C11orf65: variants seen among roughly 807,000 people sequenced by gnomAD.
C11orf65 encodes the protein protein MFI.
A neutral mutation model predicts 35.3 loss-of-function variants in C11orf65; 38 were observed. The observed-to-expected ratio is 1.08, with a 90% CI of 0.83 to 1.41. The LOEUF (loss-of-function observed/expected upper bound fraction) is 1.41, where lower values mean the gene tolerates loss of function less well. Among genes scored for constraint, C11orf65 ranks in the 40% most tolerant of loss-of-function variants. The pLI is 0.00. For missense variants in C11orf65, 370 were observed against 367.1 expected (o/e 1.01, Z -0.06); for synonymous variants, 105 against 114.4 (o/e 0.92, Z 0.53).
chr11:108,437,693 G>A (rs1191123858), intron 2 of C11orf65, among the ~76,000 whole-genome samples: 2 of 119,792 alleles, frequency 1.7e-5, no homozygotes, highest in Non-Finnish European at 3.3e-5. Flanking sequence ...CTGGTGACAG[G>A]TGAGACTCAG....
chr11:108,451,215 T>C (rs548628063), intron 2 of C11orf65, among the ~76,000 whole-genome samples: 1 of 152,050 alleles, frequency 6.6e-6, no homozygotes, highest in Admixed American at 6.5e-5. Context: ...GGAAGTCAAA[T>C]TGTCTCTGTT....
chr11:108,394,179 CAAAAAAA>C (rs11387098), intron 6 of C11orf65, among the ~76,000 whole-genome samples: 6 of 82,662 alleles, frequency 7.3e-5, no homozygotes, highest in African/African-American at 3.6e-4. Context: ...GACTCCATCT[CAAAAAAA>C]AAAAAAAAAA....
At chr11:108,407,288 T>A (rs2092559116) in intron 3 of C11orf65, 139 bp from the exon 4 acceptor site, 1 of 663,076 alleles carries the variant, frequency 1.5e-6, no homozygotes, top group Admixed American at 3.5e-5. Flanking sequence ...CAACCTCAAA[T>A]AATCAATTTT....
chr11:108,417,500 T>C (rs572104627), intron 3 of C11orf65, among the ~76,000 whole-genome samples: 2 of 151,562 alleles, frequency 1.3e-5, no homozygotes, highest in African/African-American at 2.4e-5. Flanking sequence ...CTGAGATAGA[T>C]AGTGCCACTT....
At chr11:108,395,243 C>T (rs1186027114) in intron 6 of C11orf65, among the ~76,000 whole-genome samples, 1 of 151,912 alleles carries the variant, frequency 6.6e-6, no homozygotes, top group Non-Finnish European at 1.5e-5. Flanking sequence ...GCAATCCCAG[C>T]ACTTTGGGAG....
intron 3 of C11orf65, chr11:108,332,156 G>T: frequency 1.5e-6 from 2 of 1,296,084 alleles, no homozygotes; most frequent in Middle Eastern, 2.6e-4. Flanking sequence ...AGGCTGGCAC[G>T]GTGGCTCACG....
chr11:108,372,489 G>A (rs1018474130), intron 2 of C11orf65, among the ~76,000 whole-genome samples: 1 of 152,194 alleles, frequency 6.6e-6, no homozygotes, highest in African/African-American at 2.4e-5. Flanking sequence ...CACTGTGCCT[G>A]GCCAATAATT....
chr11:108,412,122 C>T (rs1406334043), intron 3 of C11orf65, among the ~76,000 whole-genome samples: 1 of 151,978 alleles, frequency 6.6e-6, no homozygotes, highest in Non-Finnish European at 1.5e-5. Context: ...TTTCCATTGT[C>T]TTATTGTTTT....
chr11:108,461,422 A>G, intron 2 of C11orf65, 57 bp downstream of exon 2: 1 of 1,361,118 alleles, frequency 7.3e-7, no homozygotes, highest in Non-Finnish European at 1.0e-6. Flanking sequence ...TGAACTGTAC[A>G]CTTTAAATTT....
chr11:108,389,884 T>C (rs186592), intron 7 of C11orf65, among the ~76,000 whole-genome samples: 81,315 of 151,440 alleles, frequency 0.54, 22,409 homozygotes, highest in Middle Eastern at 0.74. Flanking sequence ...TTAGTAGAGA[T>C]GGGGTTTCAC....
chr11:108,466,640 G>GTATT (rs1254499420), intron 1 of C11orf65, among the ~76,000 whole-genome samples: 3 of 152,152 alleles, frequency 2.0e-5, no homozygotes, highest in Non-Finnish European at 4.4e-5. Context: ...AGGCAATGAA[G>GTATT]TATTTTACTA....
chr11:108,441,860 A>T (rs2093160000), intron 2 of C11orf65, among the ~76,000 whole-genome samples: 1 of 152,176 alleles, frequency 6.6e-6, no homozygotes, highest in East Asian at 1.9e-4. Flanking sequence ...AACCACAAAG[A>T]CGGGGAGAAA....
rs533830556 is a variant in C11orf65 at position 108,320,063 on chromosome 11, T to A, written c.641-10992A>T. ...TGAAAGTCTCAAATATGCCAGGTAT[T>A]ATGAAAAGACAAAGTTACTGTATTT... is the stretch of plus-strand genomic sequence containing the variant. On this transcript the variant is annotated intron_variant, in intron 6 of 6. Transcript: ENST00000525729. 1.8e-5 allele frequency: 28 copies of A among 1,565,198 alleles called. No individual in the cohort carries two copies. The South Asian group carries it at 2.2e-4, about 12-fold the overall frequency.
In C11orf65 at chr11:108,408,711, A is replaced by C. The variant is rs1324569835; in HGVS notation, c.175-1562T>G. ...AATAAAATAAAATAAAATAAAATAA[A>C]ATAAAATAAAATAAAATAAAATGAT... On this transcript the variant is annotated intron_variant, in intron 3 of 8. Transcript: ENST00000393084. 4.4e-3 allele frequency among the ~76,000 whole-genome samples: 558 copies of C among 126,990 alleles called. 13 individuals are homozygous for C. The highest frequency in any genetic ancestry group is 0.015 in the African/African-American group (487 of 33,170). The allele number at this position is 126,990 out of a possible 152,430, so 83.3% of individuals were successfully genotyped here. A position where few individuals can be genotyped will look rare whatever the true frequency, so the allele number is the denominator to read the frequency against.
chr11:108,336,106 C>G (rs545224010), intron 2 of C11orf65: 5 of 624,948 alleles, frequency 8.0e-6, no homozygotes, highest in South Asian at 3.5e-5. Flanking sequence ...AGACCAGCCT[C>G]AGCAACATAG....
At chr11:108,453,589 T>G (rs2093377984) in intron 2 of C11orf65, among the ~76,000 whole-genome samples, 1 of 152,142 alleles carries the variant, frequency 6.6e-6, no homozygotes, top group Admixed American at 6.6e-5. Context: ...AAAAGAACAC[T>G]AGGGTAGCTA....
chr11:108,442,301 G>A (rs2093167457), intron 2 of C11orf65, among the ~76,000 whole-genome samples: 1 of 152,186 alleles, frequency 6.6e-6, no homozygotes, highest in Admixed American at 6.5e-5. Flanking sequence ...AACGAACAAA[G>A]CCTCTAAGAA....
chr11:108,388,940 C>T (rs1332226484), intron 7 of C11orf65, among the ~76,000 whole-genome samples: 2 of 152,180 alleles, frequency 1.3e-5, no homozygotes, highest in Non-Finnish European at 2.9e-5. Context: ...TAACAATGTT[C>T]GGTTAATAGT....
At chr11:108,424,765 A>G (rs2092875614) in intron 3 of C11orf65, among the ~76,000 whole-genome samples, 2 of 152,278 alleles carry the variant, frequency 1.3e-5, no homozygotes, top group African/African-American at 2.4e-5. Flanking sequence ...TTGGAAGTAA[A>G]CACTCCTCAG....
Sources: gnomAD v4.1 joint callset for allele counts (sites outside exome capture counted in the v4.1 genomes callset) on GRCh38, gnomAD v4.1.1 for gene constraint, MANE v1.5 for transcripts, NCBI Gene and HGNC (gene_info 2026-07-23, HGNC 2026-07-21) for gene names.